The following SNX7 variants were observed in gnomAD, a reference collection of about 807,000 sequenced individuals.
SNX7 encodes the protein sorting nexin 7, also known as sorting nexin-7.
Under a neutral mutation model 48.4 loss-of-function variants are expected in SNX7, and 35 were observed. That is an observed-to-expected ratio of 0.72 (90% CI 0.55 to 0.96). The LOEUF (loss-of-function observed/expected upper bound fraction) is 0.96, where lower values mean the gene tolerates loss of function less well. Ranked by LOEUF, SNX7 falls within the 40% of genes least tolerant of loss-of-function variation. The pLI is 0.00. For missense variants in SNX7, 553 were observed against 548.9 expected, an observed-to-expected ratio of 1.01 and a Z score of -0.07; for synonymous variants, 190 against 190.2, an observed-to-expected ratio of 1.00 and a Z score of 0.01.
chr1:98,689,188 C>T lies in SNX7; in HGVS notation c.364-1887C>T, dbSNP rs1004976095. 1.2e-4 allele frequency among the ~76,000 whole-genome samples: 18 copies of T among 152,284 alleles called. No individual in the cohort carries two copies. The East Asian group carries it at 3.1e-3, about 26-fold the overall frequency. ...AAAATGCTGGGATTACAGGCGTGAGCCACTGCGACATCTTACAGTGATCAA... is the reference window on the plus strand; with the variant it reads ...AAAATGCTGGGATTACAGGCGTGAGTCACTGCGACATCTTACAGTGATCAA... On this transcript the variant is annotated intron_variant, in intron 2 of 8. Coordinates refer to ENST00000306121, the MANE Select transcript of SNX7 (RefSeq NM_015976.5).
At chr1:98,677,877 C>CAA (rs11346156) in intron 1 of SNX7, among the ~76,000 whole-genome samples, 58 of 116,564 alleles carry the variant, frequency 5.0e-4, no homozygotes, top group African/African-American at 1.8e-3. Context: ...GACGCTGTCT[C>CAA]AAAAAAAAAA....
rs1170381636 is a variant in SNX7, at chr1:98,677,875, CT to C, written c.181-7009del. Among the ~76,000 whole-genome samples the C allele has an allele frequency of 7.1e-5, 3 of 42,340 alleles. No homozygotes were observed. In the East Asian group the frequency reaches 2.0e-3, roughly 28 times the overall value. The allele number at this position is 42,340 out of a possible 152,430, so 27.8% of individuals were successfully genotyped here. A position where few individuals can be genotyped will look rare whatever the true frequency, so the allele number is the denominator to read the frequency against. ...CCTGGGTGACAGAGCGAGACGCTGT[CT>C]CAAAAAAAAAAAAAAAAAGAAATAG... On this transcript the variant is annotated intron_variant, in intron 1 of 8. Coordinates refer to ENST00000306121, the MANE Select transcript of SNX7 (RefSeq NM_015976.5).
At chr1:98,741,921 A>G (rs4908332) in intron 8 of SNX7, among the ~76,000 whole-genome samples, 108,418 of 152,046 alleles carry the variant, frequency 0.71, 40,087 homozygotes, top group South Asian at 0.82. Flanking sequence ...TGGCTATCCA[A>G]TGTCCTCTTA....
At chr1:98,759,040 C>A (rs1403963119) in intron 8 of SNX7, among the ~76,000 whole-genome samples, 1 of 151,888 alleles carries the variant, frequency 6.6e-6, no homozygotes, top group Non-Finnish European at 1.5e-5. Flanking sequence ...TTTGAGAAAT[C>A]TCTAGTCTGT....
chr1:98,741,460 GGA>G (rs1301350341), intron 8 of SNX7, among the ~76,000 whole-genome samples: 1 of 152,046 alleles, frequency 6.6e-6, no homozygotes, highest in African/African-American at 2.4e-5. Flanking sequence ...GAATTTATTG[GGA>G]GAGAGTTGAT....
intron 7 of SNX7, among the ~76,000 whole-genome samples, chr1:98,713,014 C>T (rs1484835963): frequency 6.7e-6 from 1 of 149,334 alleles, no homozygotes; most frequent in Middle Eastern, 3.5e-3. Flanking sequence ...TTGCTTAAAC[C>T]TAGGAGGCAG....
At chr1:98,758,707 T>C (rs1654975718) in intron 8 of SNX7, among the ~76,000 whole-genome samples, 1 of 152,100 alleles carries the variant, frequency 6.6e-6, no homozygotes, top group Non-Finnish European at 1.5e-5. Context: ...TCCAGTAATT[T>C]ATTGGGTAAA....
chr1:98,727,602 A>G (rs1331745896), intron 7 of SNX7, among the ~76,000 whole-genome samples: 2 of 152,094 alleles, frequency 1.3e-5, no homozygotes, highest in African/African-American at 4.8e-5. Flanking sequence ...GCATATTCTA[A>G]CTCATTACAA....
chr1:98,702,591 A>G (rs903622752), intron 7 of SNX7, among the ~76,000 whole-genome samples: 1 of 152,056 alleles, frequency 6.6e-6, no homozygotes, highest in Non-Finnish European at 1.5e-5. Flanking sequence ...GCATTTTCAG[A>G]GTAATACTAT....
chr1:98,752,516 T>C (rs1055899268), intron 8 of SNX7, among the ~76,000 whole-genome samples: 4 of 152,100 alleles, frequency 2.6e-5, no homozygotes, highest in Non-Finnish European at 4.4e-5. Context: ...AAAAACCATA[T>C]TGGTCAGCAA....
chr1:98,691,576 C>T lies in SNX7; in HGVS notation c.516C>T (p.Arg172=). Residue 172 remains arginine, a synonymous_variant, in exon 4 of 9, where the codon CGC becomes CGT. Transcript: ENST00000306121. ...EKFIVKGMVE[R]FNDDFIETRR... ...TTATAGTAAAAGGAATGGTGGAACG[C>T]TTTAACGATGACTTCATTGAGACAC... 6.2e-7 allele frequency: 1 copy of T among 1,607,208 alleles called. No homozygotes were observed. The highest frequency in any genetic ancestry group is 1.1e-5 in the South Asian group (1 of 89,950).
intron 7 of SNX7, among the ~76,000 whole-genome samples, chr1:98,737,228 A>G (rs761393085): frequency 3.3e-4 from 50 of 151,790 alleles, no homozygotes; most frequent in Middle Eastern, 3.4e-3. Context: ...TCTCACATCT[A>G]CTTCAGATAT....
At chr1:98,726,655 G>A (rs1356524938) in intron 7 of SNX7, among the ~76,000 whole-genome samples, 3 of 139,998 alleles carry the variant, frequency 2.1e-5, no homozygotes, top group African/African-American at 5.2e-5. Context: ...TCCTTTTTAA[G>A]GGGATTTTTT....
intron 1 of SNX7, among the ~76,000 whole-genome samples, chr1:98,682,082 TTTTTTGTCCTTC>T (rs58027700): frequency 0.27 from 40,563 of 151,540 alleles, 5,614 homozygotes; most frequent in Non-Finnish European, 0.3. Flanking sequence ...TTTTCTTCCT[TTTTTTGTCCTTC>T]TTTTACTTCC....
chr1:98,691,935 A>T (rs867851874), intron 4 of SNX7, among the ~76,000 whole-genome samples: 55 of 87,380 alleles, frequency 6.3e-4, no homozygotes, highest in South Asian at 4.0e-3. Context: ...ACACACACAC[A>T]CACTCTCTCT....
At position 98,731,236 on chromosome 1, in the gene SNX7, A is replaced by G. The variant is rs376596257; in HGVS notation, c.1126-7001A>G. ...TAAGAATAAAAATTTTTTAAAAAGT[A>G]TAAGAATACTGTTTTATTTAGCTTC... On this transcript the variant is annotated intron_variant, in intron 7 of 8. Transcript: ENST00000306121. 2.3e-4 allele frequency among the ~76,000 whole-genome samples: 35 copies of G among 152,062 alleles called. 1 individual carries two copies. The South Asian group carries it at 4.2e-3, about 18-fold the overall frequency.
At chr1:98,713,021 G>A (rs368626547) in intron 7 of SNX7, among the ~76,000 whole-genome samples, 20 of 151,190 alleles carry the variant, frequency 1.3e-4, no homozygotes, top group African/African-American at 3.9e-4. Context: ...AACCTAGGAG[G>A]CAGAGGTTGC....
Position 98,756,430 on chromosome 1 carries a change from T to G in SNX7, c.1279-3624T>G, listed in dbSNP as rs926870588. Among the ~76,000 whole-genome samples the G allele has an allele frequency of 1.2e-3, 173 of 144,768 alleles. 2 individuals carry two copies. The highest frequency in any genetic ancestry group is 4.1e-3 in the African/African-American group (162 of 39,860). 95.0% of individuals were successfully genotyped at this position (144,768 alleles called of 152,430 possible). A position where few individuals can be genotyped will look rare whatever the true frequency, so the allele number is the denominator to read the frequency against. ...TTTTTTCTGCCAGATGAGTTTTTTT[T>G]TTTTTTTTTTTTTTTTAATATTGGT... is the stretch of plus-strand genomic sequence containing the variant. On this transcript the variant is annotated intron_variant, in intron 8 of 8. Coordinates refer to ENST00000306121, the MANE Select transcript of SNX7 (RefSeq NM_015976.5).
rs1020987195 is a variant in SNX7, at chr1:98,734,152, C to T, written c.1126-4085C>T. Among the ~76,000 whole-genome samples the T allele has an allele frequency of 7.9e-5, 12 of 152,070 alleles. No individual in the cohort carries two copies. In the East Asian group the frequency reaches 1.9e-3, roughly 24 times the overall value. On this transcript the variant is annotated intron_variant, in intron 7 of 8. Coordinates refer to ENST00000306121, the MANE Select transcript of SNX7 (RefSeq NM_015976.5). The stretch of plus-strand genomic sequence containing the variant: ...TACCCTCAGATAGGTGTTTCATTGT[C>T]CCAGTCACTGCCTAGTGAATTAAAA...
Sources: gnomAD v4.1 joint callset for allele counts (sites outside exome capture counted in the v4.1 genomes callset) on GRCh38, gnomAD v4.1.1 for gene constraint, MANE v1.5 for transcripts, NCBI Gene and HGNC (gene_info 2026-07-23, HGNC 2026-07-21) for gene names.